Variants in ANK2 observed in about 807,000 individuals in gnomAD.
ANK2 encodes the protein ankyrin-2.
In ANK2, 83 loss-of-function variants were observed where a neutral mutation model predicts 360.5. That is an observed-to-expected ratio of 0.23 (90% confidence interval 0.19 to 0.28). ANK2 has a LOEUF of 0.28. Ranked by LOEUF, ANK2 falls within the 10% of genes least tolerant of loss-of-function variation. The probability of loss-of-function intolerance (pLI) is 1.00; values close to 1 mark genes in which losing one functional copy is unlikely to be tolerated. For missense variants in ANK2, 4,201 were observed against 4,795.7 expected (o/e 0.88, Z 3.66); for synonymous variants, 1,740 against 1,759.5 (o/e 0.99, Z 0.28).
chr4:112,774,295 G>C, the ANK2 span, among the ~76,000 whole-genome samples: 3 of 152,038 alleles, frequency 2.0e-5, no homozygotes, highest in African/African-American at 7.2e-5. Context: ...GGGAGTCCAA[G>C]GTGGGTGGAT....
the ANK2 span, among the ~76,000 whole-genome samples, chr4:112,810,151 ATATATATATTTT>A: frequency 1.4e-3 from 37 of 26,236 alleles, no homozygotes; most frequent in African/African-American, 4.6e-3. Flanking sequence ...ATATATATAT[ATATATATATTTT>A]TTTTTTTTTT....
intron 4 of ANK2, among the ~76,000 whole-genome samples, chr4:113,230,310 A>T (rs1020581116): frequency 6.6e-6 from 1 of 152,128 alleles, no homozygotes; most frequent in Admixed American, 6.5e-5. Flanking sequence ...TGGCCATTTT[A>T]AATAATGTTT....
chr4:113,264,184 G>A (rs909008233), intron 13 of ANK2, among the ~76,000 whole-genome samples: 1 of 151,302 alleles, frequency 6.6e-6, no homozygotes, highest in South Asian at 2.1e-4. Context: ...ATCCATTTTT[G>A]TCTAGTCTCA....
chr4:113,012,750 A>G (rs2055194082), intron 2 of ANK2, among the ~76,000 whole-genome samples: 1 of 152,192 alleles, frequency 6.6e-6, no homozygotes, highest in Non-Finnish European at 1.5e-5. Flanking sequence ...CAAGAGTCAA[A>G]TGAAATCCTT....
At chr4:112,778,106 A>G in the ANK2 span, among the ~76,000 whole-genome samples, 51 of 151,606 alleles carry the variant, frequency 3.4e-4, no homozygotes, top group African/African-American at 1.0e-3. Flanking sequence ...AGGAGCTGGG[A>G]TTACAGGTGC....
chr4:113,278,444 AAC>A lies in ANK2; in HGVS notation c.1783-11_1783-10del. 1 of 1,612,812 alleles carries A rather than the reference AAC, an allele frequency of 6.2e-7. No individual in the cohort carries two copies. Among genetic ancestry groups the A allele is most frequent in the East Asian group, 2.2e-5 (1 of 44,852 alleles). ...CCTAATTTATTAATGCTGAAACTTA[AAC>A]ACACCCTTTACAGAACGGCCTTACC... On this transcript the variant is annotated splice_polypyrimidine_tract_variant and intron_variant, in intron 16 of 45. Transcript: ENST00000357077.
At chr4:112,802,589 A>G in the ANK2 span, among the ~76,000 whole-genome samples, 81 of 152,260 alleles carry the variant, frequency 5.3e-4, no homozygotes, top group African/African-American at 1.8e-3. Context: ...TTATTCCTTT[A>G]TATAACCTTA....
chr4:112,803,140 G>T, the ANK2 span, among the ~76,000 whole-genome samples: 7 of 152,000 alleles, frequency 4.6e-5, no homozygotes, highest in South Asian at 4.2e-4. Context: ...GTATTCCCTC[G>T]AGAATATCTA....
At chr4:113,246,347 C>T (rs192041766) in intron 9 of ANK2, among the ~76,000 whole-genome samples, 3 of 152,190 alleles carry the variant, frequency 2.0e-5, no homozygotes, top group Non-Finnish European at 2.9e-5. Flanking sequence ...GCTCTCATCA[C>T]CATTTTGGCA....
rs60510554 is a variant in ANK2, at chr4:112,850,504, C to CTTTTTTTTTT, written c.-40+32261_-40+32270dup. 1.0e-3 allele frequency among the ~76,000 whole-genome samples: 6 copies of CTTTTTTTTTT among 5,820 alleles called. 2 individuals are homozygous for CTTTTTTTTTT. Among genetic ancestry groups the CTTTTTTTTTT allele is most frequent in the African/African-American group, 3.6e-3 (5 of 1,406 alleles). The allele number at this position is 5,820 out of a possible 152,430, so 3.8% of individuals were successfully genotyped here. A position where few individuals can be genotyped will look rare whatever the true frequency, so the allele number is the denominator to read the frequency against. ...TTTTTTTAACATTTCCTGTGCTAGT[C>CTTTTTTTTTT]TTTTTTTTTTTTTTTTTTTTTTTTT... is the stretch of plus-strand genomic sequence containing the variant. On this transcript the variant is annotated intron_variant, in intron 1 of 30. Transcript: ENST00000503271.
At chr4:113,026,913 A>T (rs1330122078) in intron 2 of ANK2, among the ~76,000 whole-genome samples, 1 of 152,150 alleles carries the variant, frequency 6.6e-6, no homozygotes, top group Non-Finnish European at 1.5e-5. Context: ...TTGGGATGGA[A>T]GCCAGACTGG....
chr4:112,896,993 T>C lies in ANK2; in HGVS notation c.-39-7462T>C, dbSNP rs530793190. Among the ~76,000 whole-genome samples the C allele has an allele frequency of 6.6e-5, 10 of 152,262 alleles. No homozygotes were observed. In the South Asian group the frequency reaches 1.5e-3, roughly 22 times the overall value. On this transcript the variant is annotated intron_variant, in intron 1 of 30. Coordinates refer to the ANK2 transcript ENST00000503271. ...GGGACGATAACTCCTCAATCATGAA[T>C]TCTTTTCTTCCATTTTCCTTGTCCG...
chr4:113,101,102 T>A (rs2092756554), intron 1 of ANK2, among the ~76,000 whole-genome samples: 1 of 152,106 alleles, frequency 6.6e-6, no homozygotes, highest in Non-Finnish European at 1.5e-5. Context: ...CTCATAGAAC[T>A]GTACAACATA....
intron 23 of ANK2, among the ~76,000 whole-genome samples, chr4:113,308,040 A>G (rs2153811755): frequency 6.6e-6 from 1 of 152,344 alleles, no homozygotes; most frequent in Non-Finnish European, 1.5e-5. Context: ...TCTATAATGT[A>G]AAAACTAAAG....
chr4:113,029,377 G>T (rs958500153), intron 2 of ANK2, among the ~76,000 whole-genome samples: 11 of 151,850 alleles, frequency 7.2e-5, no homozygotes, highest in Non-Finnish European at 2.9e-5. Context: ...TGGAACTATA[G>T]GCACACACAA....
At chr4:113,293,567 C>A (rs1437663042) in intron 22 of ANK2, 29 bp downstream of exon 22, 2 of 1,575,456 alleles carry the variant, frequency 1.3e-6, no homozygotes, top group East Asian at 4.5e-5. Context: ...CTAGCTTCAG[C>A]CCTGTTATTC....
intron 1 of ANK2, among the ~76,000 whole-genome samples, chr4:113,085,568 A>C (rs2154350035): frequency 6.6e-6 from 1 of 152,168 alleles, no homozygotes; most frequent in South Asian, 2.1e-4. Flanking sequence ...CGGCCTCCCA[A>C]AGTGCTGGGA....
intron 1 of ANK2, among the ~76,000 whole-genome samples, chr4:113,152,065 C>CAAAAAAAAAAAAA (rs1232657248): frequency 1.3e-4 from 8 of 62,310 alleles, no homozygotes; most frequent in African/African-American, 5.6e-4. Context: ...GTCTCTGTCT[C>CAAAAAAAAAAAAA]AAAAAAAAAA....
chr4:112,742,236 C>A, the ANK2 span, among the ~76,000 whole-genome samples: 2 of 152,144 alleles, frequency 1.3e-5, no homozygotes, highest in Admixed American at 1.3e-4. Context: ...TACTGCACTC[C>A]AGCCTGGGCG....
Sources: gnomAD v4.1 joint callset for allele counts (sites outside exome capture counted in the v4.1 genomes callset) on GRCh38, gnomAD v4.1.1 for gene constraint, MANE v1.5 for transcripts, NCBI Gene and HGNC (gene_info 2026-07-23, HGNC 2026-07-21) for gene names.